BNC2: variants seen among roughly 807,000 people sequenced by gnomAD.
BNC2 encodes the protein basonuclin zinc finger protein 2, also known as zinc finger protein basonuclin-2.
In BNC2, 20 loss-of-function variants were observed where a neutral mutation model predicts 76.3. The observed-to-expected ratio is 0.26, with a 90% CI of 0.18 to 0.38. The LOEUF is 0.38. Among genes scored for constraint, BNC2 ranks in the 10% least tolerant of loss-of-function variants. The pLI is 1.00. For synonymous variants in BNC2, 582 were observed against 514.8 expected (o/e 1.13, Z -1.77); for missense variants, 1,382 against 1,399.8 (o/e 0.99, Z 0.20).
At chr9:16,800,733 C>G (rs561061880) in intron 1 of BNC2, among the ~76,000 whole-genome samples, 62 of 152,168 alleles carry the variant, frequency 4.1e-4, no homozygotes, top group African/African-American at 1.4e-3. Flanking sequence ...TTTTAAATGC[C>G]CTGTGACCCT....
chr9:16,559,791 A>C (rs1346688111), intron 4 of BNC2, among the ~76,000 whole-genome samples: 1 of 152,250 alleles, frequency 6.6e-6, no homozygotes, highest in Non-Finnish European at 1.5e-5. Context: ...TCATTCATGC[A>C]TACATTCATT....
chr9:16,501,622 T>TA (rs2131786251), intron 5 of BNC2, among the ~76,000 whole-genome samples: 1 of 152,284 alleles, frequency 6.6e-6, no homozygotes, highest in South Asian at 2.1e-4. Context: ...CTGCATAACA[T>TA]AGAGTATTTC....
intron 5 of BNC2, among the ~76,000 whole-genome samples, chr9:16,541,635 T>C (rs914857953): frequency 1.3e-5 from 2 of 152,224 alleles, no homozygotes; most frequent in Admixed American, 6.5e-5. Flanking sequence ...AATTTCTCAA[T>C]GTGTGTGCAT....
At chr9:16,472,011 C>T (rs1385791183) in intron 5 of BNC2, among the ~76,000 whole-genome samples, 2 of 152,190 alleles carry the variant, frequency 1.3e-5, no homozygotes, top group Non-Finnish European at 2.9e-5. Flanking sequence ...GTGCCTTTCA[C>T]CTTCCACCAT....
At chr9:16,553,286 G>T (rs1818722145) in intron 4 of BNC2, among the ~76,000 whole-genome samples, 1 of 152,206 alleles carries the variant, frequency 6.6e-6, no homozygotes, top group Non-Finnish European at 1.5e-5. Context: ...CGACAGGGGT[G>T]AAAGACCTAA....
chr9:16,761,399 T>C (rs1333659398), intron 1 of BNC2, among the ~76,000 whole-genome samples: 3 of 152,236 alleles, frequency 2.0e-5, no homozygotes, highest in African/African-American at 2.4e-5. Context: ...ATTATACCTA[T>C]AGCAAACATA....
At chr9:16,527,552 A>G (rs1420477364) in intron 5 of BNC2, among the ~76,000 whole-genome samples, 3 of 152,180 alleles carry the variant, frequency 2.0e-5, no homozygotes, top group Admixed American at 6.5e-5. Flanking sequence ...GTGACTGAGG[A>G]GCTGAAAGAA....
At position 16,616,067 on chromosome 9, in the gene BNC2, G is replaced by A. The variant is rs112580426; in HGVS notation, c.331-32982C>T. Reference sequence around the variant, plus strand: ...CTGAGAAATCAAGCAACTGTGTCCAGTTGATAATGTTTCCATAACCATATT... The same window carrying A: ...CTGAGAAATCAAGCAACTGTGTCCAATTGATAATGTTTCCATAACCATATT... On this transcript the variant is annotated intron_variant, in intron 3 of 6. Coordinates refer to ENST00000380672, the MANE Select transcript of BNC2 (RefSeq NM_017637.6). Among the ~76,000 whole-genome samples the A allele has an allele frequency of 9.6e-4, 146 of 152,254 alleles. 1 individual carries two copies. The highest frequency in any genetic ancestry group is 3.4e-3 in the African/African-American group (141 of 41,556).
chr9:16,716,248 A>G (rs1324650309), intron 3 of BNC2, among the ~76,000 whole-genome samples: 2 of 152,236 alleles, frequency 1.3e-5, no homozygotes, highest in Non-Finnish European at 2.9e-5. Flanking sequence ...TTAAAAGTCA[A>G]CATTTAAGAT....
intron 5 of BNC2, among the ~76,000 whole-genome samples, chr9:16,480,010 C>A (rs1282034651): frequency 6.6e-6 from 1 of 152,202 alleles, no homozygotes; most frequent in African/African-American, 2.4e-5. Context: ...TTATAATATT[C>A]AGTATTTACT....
intron 1 of BNC2, among the ~76,000 whole-genome samples, chr9:16,770,227 C>G (rs1050466405): frequency 6.6e-6 from 1 of 152,136 alleles, no homozygotes; most frequent in African/African-American, 2.4e-5. Context: ...ACAGTGGATG[C>G]TCATCCACTG....
intron 6 of BNC2, among the ~76,000 whole-genome samples, chr9:16,428,227 G>A (rs1197124683): frequency 1.3e-5 from 2 of 152,158 alleles, no homozygotes; most frequent in African/African-American, 4.8e-5. Context: ...TTAGAAGTCT[G>A]TAAAACACAA....
At chr9:16,616,796 GAAGGAAGGAAGGAAGGAAGGAAGA>G (rs1820714331) in intron 3 of BNC2, among the ~76,000 whole-genome samples, 2 of 144,962 alleles carry the variant, frequency 1.4e-5, no homozygotes, top group Non-Finnish European at 3.0e-5. Flanking sequence ...AGGAGGGAAG[GAAGGAAGGAAGGAAGGAAGGAAGA>G]AAGGAAGGAA....
intron 6 of BNC2, among the ~76,000 whole-genome samples, chr9:16,423,544 G>C (rs1270246451): frequency 1.3e-5 from 2 of 152,166 alleles, no homozygotes. Context: ...ACGTAAAGTA[G>C]AATACTTTGC....
At chr9:16,683,372 T>A (rs1822881034) in intron 3 of BNC2, among the ~76,000 whole-genome samples, 1 of 152,206 alleles carries the variant, frequency 6.6e-6, no homozygotes, top group African/African-American at 2.4e-5. Context: ...ACAAAAATCC[T>A]TTCTAAGAAA....
At chr9:16,472,425 A>G (rs1417966846) in intron 5 of BNC2, among the ~76,000 whole-genome samples, 1 of 152,180 alleles carries the variant, frequency 6.6e-6, no homozygotes, top group African/African-American at 2.4e-5. Context: ...AGCCTTCAAA[A>G]CATGTTCTGG....
chr9:16,742,066 A>C (rs1407907118), intron 1 of BNC2, among the ~76,000 whole-genome samples: 1 of 152,076 alleles, frequency 6.6e-6, no homozygotes, highest in Non-Finnish European at 1.5e-5. Flanking sequence ...AGTTCTTATG[A>C]AGAAAATAAA....
intron 3 of BNC2, among the ~76,000 whole-genome samples, chr9:16,676,631 C>T (rs945914823): frequency 1.3e-5 from 2 of 152,232 alleles, no homozygotes; most frequent in African/African-American, 4.8e-5. Context: ...CCAAAGTTTA[C>T]TTAATCCACA....
rs1820454745 is a variant in BNC2 at position 16,411,247 on chromosome 9, A to C, written c.*7742T>G. ...GATGGATTTGCCATCTTAGCTGTGC[A>C]TTATCTCAACATCACATTTGGCAAC... On this transcript the variant is annotated 3_prime_UTR_variant, in exon 7 of 7. Coordinates refer to ENST00000380672, the MANE Select transcript of BNC2 (RefSeq NM_017637.6). 6.6e-6 allele frequency: 1 copy of C among 152,658 alleles called. No homozygotes were observed. Among genetic ancestry groups the C allele is most frequent in the South Asian group, 2.1e-4 (1 of 4,826 alleles). The allele number at this position is 152,658 out of a possible 1,614,324, so 9.5% of individuals were successfully genotyped here.
Sources: allele counts gnomAD v4.1 joint callset (sites outside exome capture counted in the v4.1 genomes callset), GRCh38; gene constraint gnomAD v4.1.1; transcripts MANE v1.5; gene names NCBI Gene and HGNC (gene_info 2026-07-23, HGNC 2026-07-21).